SLC14A2: variants seen among roughly 807,000 people sequenced by gnomAD.
The protein encoded by SLC14A2 is solute carrier family 14 member 2.
A neutral mutation model predicts 104.6 loss-of-function variants in SLC14A2; 91 were observed. The ratio of observed to expected loss-of-function variants is 0.87; its 90% CI spans 0.73 to 1.04. The LOEUF (loss-of-function observed/expected upper bound fraction) is 1.04. Among genes scored for constraint, SLC14A2 ranks in the 50% least tolerant of loss-of-function variants. The pLI is 0.00. For synonymous variants in SLC14A2, 476 were observed against 466.4 expected, an observed-to-expected ratio of 1.02 and a Z score of -0.27; for missense variants, 1,189 against 1,156.0, an observed-to-expected ratio of 1.03 and a Z score of -0.41.
intron 2 of SLC14A2, among the ~76,000 whole-genome samples, chr18:45,524,266 C>T (rs998144991): frequency 1.3e-5 from 2 of 152,216 alleles, no homozygotes; most frequent in African/African-American, 4.8e-5. Context: ...GTATTTTATT[C>T]ACTTAGTGCC....
chr18:45,391,596 T>C (rs535744759), intron 1 of SLC14A2, among the ~76,000 whole-genome samples: 36 of 152,322 alleles, frequency 2.4e-4, no homozygotes, highest in Non-Finnish European at 4.0e-4. Flanking sequence ...TGTTGTTTCC[T>C]GACTTTTTAA....
chr18:45,255,447 G>T (rs940492739), intron 1 of SLC14A2, among the ~76,000 whole-genome samples: 1 of 152,138 alleles, frequency 6.6e-6, no homozygotes, highest in African/African-American at 2.4e-5. Context: ...CTTTGTCCGG[G>T]GCTCCATTGT....
At chr18:45,562,308 C>T (rs1189958551) in intron 2 of SLC14A2, among the ~76,000 whole-genome samples, 1 of 152,214 alleles carries the variant, frequency 6.6e-6, no homozygotes, top group East Asian at 1.9e-4. Flanking sequence ...TGTCAGTTGA[C>T]CTGATAGAGA....
chr18:45,634,414 T>G (rs1365799919), intron 5 of SLC14A2, among the ~76,000 whole-genome samples: 6 of 152,198 alleles, frequency 3.9e-5, no homozygotes, highest in Non-Finnish European at 7.3e-5. Context: ...ATAAGTGCTT[T>G]GAGGAAAGCA....
intron 1 of SLC14A2, among the ~76,000 whole-genome samples, chr18:45,310,804 TG>T (rs1480277039): frequency 6.6e-6 from 1 of 152,180 alleles, no homozygotes; most frequent in African/African-American, 2.4e-5. Flanking sequence ...GGTCATTGAC[TG>T]TAGGAAGAAG....
intron 1 of SLC14A2, among the ~76,000 whole-genome samples, chr18:45,617,630 T>C (rs943807580): frequency 2.6e-5 from 4 of 152,186 alleles, no homozygotes; most frequent in African/African-American, 7.2e-5. Context: ...GTCTTCTTAG[T>C]GCCCAGGTGT....
chr18:45,495,738 T>C (rs2043085696), intron 2 of SLC14A2, among the ~76,000 whole-genome samples: 2 of 152,218 alleles, frequency 1.3e-5, no homozygotes, highest in Non-Finnish European at 2.9e-5. Flanking sequence ...TTAGGTCACT[T>C]AATATGTAAT....
At chr18:45,338,682 C>CAAAAAAAAAAA (rs59474827) in intron 1 of SLC14A2, among the ~76,000 whole-genome samples, 3 of 51,854 alleles carry the variant, frequency 5.8e-5, no homozygotes, top group African/African-American at 1.6e-4. Context: ...CACTGGCTCA[C>CAAAAAAAAAAA]AAAAAAAAAA....
chr18:45,604,532 G>T (rs2044839026), intron 2 of SLC14A2, among the ~76,000 whole-genome samples: 1 of 152,008 alleles, frequency 6.6e-6, no homozygotes, highest in African/African-American at 2.4e-5. Context: ...GTAACAAACA[G>T]GTCCACATTC....
At chr18:45,297,805 T>A (rs1308420499) in intron 1 of SLC14A2, among the ~76,000 whole-genome samples, 2 of 152,148 alleles carry the variant, frequency 1.3e-5, no homozygotes, top group African/African-American at 2.4e-5. Flanking sequence ...AGGGTCCAGG[T>A]CAGGTGTTTC....
intron 11 of SLC14A2, among the ~76,000 whole-genome samples, chr18:45,664,347 C>G (rs78822409): frequency 1.3e-5 from 2 of 152,182 alleles, no homozygotes; most frequent in Non-Finnish European, 2.9e-5. Flanking sequence ...GGTAGAGACC[C>G]ATGGTGGGGA....
chr18:45,247,651 T>C (rs1246080660), intron 1 of SLC14A2, among the ~76,000 whole-genome samples: 8 of 152,012 alleles, frequency 5.3e-5, no homozygotes, highest in African/African-American at 1.9e-4. Flanking sequence ...CTGGACCAAT[T>C]ATAGAATCTT....
intron 2 of SLC14A2, among the ~76,000 whole-genome samples, chr18:45,526,306 G>A (rs2043593557): frequency 6.6e-6 from 1 of 152,116 alleles, no homozygotes; most frequent in South Asian, 2.1e-4. Context: ...GTGTGATACG[G>A]CCAGAAGTCA....
chr18:45,666,825 T>C, intron 12 of SLC14A2, 110 bp from the exon 13 acceptor site: 1 of 911,628 alleles, frequency 1.1e-6, no homozygotes, highest in Non-Finnish European at 1.7e-6. Context: ...AGCAATTTAA[T>C]GAAATACCAA....
intron 1 of SLC14A2, among the ~76,000 whole-genome samples, chr18:45,301,888 T>C (rs150101506): frequency 4.2e-4 from 64 of 152,330 alleles, no homozygotes; most frequent in Admixed American, 1.9e-3. Context: ...TGCTTTTACT[T>C]ATGATTCTCT....
rs544592440 is a variant in SLC14A2 at position 45,250,410 on chromosome 18, T to C, written c.-125+37219T>C. ...CACGTGATTGTCATACATAGCCTAATTCTTCCCCCCCTTATTAATTTTATT... is the reference window on the plus strand; with the variant it reads ...CACGTGATTGTCATACATAGCCTAACTCTTCCCCCCCTTATTAATTTTATT... On this transcript the variant is annotated intron_variant, in intron 1 of 20. Coordinates refer to the SLC14A2 transcript ENST00000586448. 2.4e-3 allele frequency among the ~76,000 whole-genome samples: 371 copies of C among 152,262 alleles called. 2 individuals carry two copies. The highest frequency in any genetic ancestry group is 8.5e-3 in the African/African-American group (353 of 41,572).
At chr18:45,634,443 A>C (rs1249528743) in intron 5 of SLC14A2, among the ~76,000 whole-genome samples, 1 of 152,268 alleles carries the variant, frequency 6.6e-6, no homozygotes, top group Non-Finnish European at 1.5e-5. Flanking sequence ...TAAATGGGAC[A>C]GCAAATGATT....
At chr18:45,640,271 G>A (rs1312084200) in intron 7 of SLC14A2, among the ~76,000 whole-genome samples, 28 of 149,798 alleles carry the variant, frequency 1.9e-4, no homozygotes, top group Non-Finnish European at 2.2e-4. Context: ...GTGAGACTCC[G>A]TCTTAAAAAA....
chr18:45,543,211 G>T (rs1054244520), intron 2 of SLC14A2, among the ~76,000 whole-genome samples: 6 of 152,028 alleles, frequency 3.9e-5, no homozygotes, highest in African/African-American at 1.4e-4. Context: ...GCCTCCCAAA[G>T]TGCTGGGATT....
Sources: allele counts gnomAD v4.1 joint callset (sites outside exome capture counted in the v4.1 genomes callset), GRCh38; gene constraint gnomAD v4.1.1; transcripts MANE v1.5; gene names NCBI Gene and HGNC (gene_info 2026-07-23, HGNC 2026-07-21).